CSMD1: variants seen among roughly 807,000 people sequenced by gnomAD.
CSMD1 encodes CUB and Sushi multiple domains 1, also known as CUB and sushi domain-containing protein 1.
In CSMD1, 213 loss-of-function variants were observed where a neutral mutation model predicts 417.5. The ratio of observed to expected loss-of-function variants is 0.51; its 90% confidence interval spans 0.46 to 0.57. CSMD1 has a LOEUF of 0.57. Among genes scored for constraint, CSMD1 ranks in the 20% least tolerant of loss-of-function variants. The pLI is 0.00. For missense variants in CSMD1, 6,923 were observed against 4,529.7 expected, an observed-to-expected ratio of 1.53 and a Z score of -15.17; for synonymous variants, 2,862 against 1,736.8, an observed-to-expected ratio of 1.65 and a Z score of -16.11.
intron 8 of CSMD1, among the ~76,000 whole-genome samples, chr8:3,606,770 G>C (rs557978348): frequency 6.6e-6 from 1 of 150,824 alleles, no homozygotes; most frequent in East Asian, 1.9e-4. Context: ...GGGTACAGTG[G>C]CGTGATCTCC....
At chr8:3,988,867 G>A (rs1814528908) in intron 5 of CSMD1, among the ~76,000 whole-genome samples, 3 of 151,956 alleles carry the variant, frequency 2.0e-5, no homozygotes. Context: ...TATTACTGTT[G>A]TTATTGTCAC....
chr8:4,573,986 G>C (rs145547673), intron 2 of CSMD1, among the ~76,000 whole-genome samples: 42 of 152,264 alleles, frequency 2.8e-4, no homozygotes, highest in African/African-American at 9.6e-4. Flanking sequence ...CCAAGCTCAA[G>C]TCTCCCAGCT....
intron 3 of CSMD1, among the ~76,000 whole-genome samples, chr8:4,319,654 A>G (rs1294441905): frequency 6.6e-6 from 1 of 152,112 alleles, no homozygotes; most frequent in African/African-American, 2.4e-5. Flanking sequence ...CACTGCCTGG[A>G]AAGAGAGGCC....
At chr8:3,167,948 A>G (rs1422438521) in intron 37 of CSMD1, among the ~76,000 whole-genome samples, 1 of 152,212 alleles carries the variant, frequency 6.6e-6, no homozygotes, top group African/African-American at 2.4e-5. Flanking sequence ...TACTTAAAAC[A>G]GGACAAATGG....
intron 5 of CSMD1, among the ~76,000 whole-genome samples, chr8:3,985,829 A>T (rs541240962): frequency 6.6e-6 from 1 of 151,330 alleles, no homozygotes; most frequent in African/African-American, 2.4e-5. Flanking sequence ...GCATTCTTCA[A>T]TGCTGAGACT....
chr8:3,666,701 A>T (rs1261138188), intron 7 of CSMD1, among the ~76,000 whole-genome samples: 2 of 152,062 alleles, frequency 1.3e-5, no homozygotes, highest in Non-Finnish European at 2.9e-5. Flanking sequence ...ATGCAATCTG[A>T]TGTCTTTATA....
At chr8:3,768,047 T>A (rs1798380452) in intron 5 of CSMD1, among the ~76,000 whole-genome samples, 1 of 152,194 alleles carries the variant, frequency 6.6e-6, no homozygotes, top group Non-Finnish European at 1.5e-5. Flanking sequence ...AATCAATCTT[T>A]GACCCCGAGT....
chr8:3,892,128 A>G (rs914797396), intron 5 of CSMD1, among the ~76,000 whole-genome samples: 6 of 103,460 alleles, frequency 5.8e-5, no homozygotes, highest in East Asian at 3.2e-4. Flanking sequence ...AAGCTCTAAG[A>G]TAATATCAGT....
intron 1 of CSMD1, among the ~76,000 whole-genome samples, chr8:4,937,384 T>C (rs1014561519): frequency 1.3e-5 from 2 of 152,202 alleles, no homozygotes; most frequent in African/African-American, 4.8e-5. Flanking sequence ...TAGTGTATTC[T>C]TTACTGGGAA....
intron 1 of CSMD1, among the ~76,000 whole-genome samples, chr8:4,959,335 G>A (rs1809326681): frequency 6.6e-6 from 1 of 152,170 alleles, no homozygotes. Context: ...TATTCAACAT[G>A]TACCTGGTGT....
intron 4 of CSMD1, among the ~76,000 whole-genome samples, chr8:4,006,812 G>C (rs1038100127): frequency 8.1e-5 from 12 of 147,278 alleles, no homozygotes; most frequent in Non-Finnish European, 1.6e-4. Flanking sequence ...AGAGAATCCA[G>C]GACTTTTCCT....
At chr8:4,862,557 G>A (rs116119151) in intron 1 of CSMD1, among the ~76,000 whole-genome samples, 2 of 152,018 alleles carry the variant, frequency 1.3e-5, no homozygotes, top group Non-Finnish European at 2.9e-5. Context: ...GAAGAGACTA[G>A]ATCGTGGATA....
At chr8:4,161,847 T>TA (rs1797190247) in intron 3 of CSMD1, among the ~76,000 whole-genome samples, 3 of 152,230 alleles carry the variant, frequency 2.0e-5, no homozygotes, top group African/African-American at 7.2e-5. Context: ...TGCATTTTTT[T>TA]CTTTGCCATA....
intron 7 of CSMD1, among the ~76,000 whole-genome samples, chr8:3,621,091 T>C (rs1050289431): frequency 6.6e-6 from 1 of 152,144 alleles, no homozygotes; most frequent in Non-Finnish European, 1.5e-5. Context: ...AAGAGAGTCA[T>C]CCACAAGACA....
chr8:4,107,011 A>T lies in CSMD1; in HGVS notation c.416-74912T>A, dbSNP rs75813360. ...GGGCCTTAGACAACACTAACAGGAG[A>T]GAAAATTGTATGAGAGCTGCCACAT... On this transcript the variant is annotated intron_variant, in intron 3 of 69. Transcript: ENST00000635120. Among the ~76,000 whole-genome samples the T allele has an allele frequency of 6.4e-3, 976 of 152,260 alleles. 13 individuals carry two copies. The highest frequency in any genetic ancestry group is 0.022 in the African/African-American group (931 of 41,552).
At chr8:3,860,983 A>T (rs1177093793) in intron 5 of CSMD1, among the ~76,000 whole-genome samples, 1 of 152,232 alleles carries the variant, frequency 6.6e-6, no homozygotes, top group Admixed American at 6.5e-5. Context: ...CAAATGAAAG[A>T]CAAAGCATGG....
chr8:4,343,095 G>A (rs915241641), intron 3 of CSMD1, among the ~76,000 whole-genome samples: 1 of 152,074 alleles, frequency 6.6e-6, no homozygotes, highest in Non-Finnish European at 1.5e-5. Flanking sequence ...CAGTGACCAA[G>A]GGATATGGGG....
chr8:3,938,030 A>T (rs184068501), intron 5 of CSMD1, among the ~76,000 whole-genome samples: 9 of 152,202 alleles, frequency 5.9e-5, no homozygotes, highest in African/African-American at 1.9e-4. Flanking sequence ...AACATAAAAT[A>T]AAAATGCTTT....
intron 2 of CSMD1, among the ~76,000 whole-genome samples, chr8:4,489,872 C>G (rs550422983): frequency 2.6e-5 from 4 of 152,250 alleles, no homozygotes; most frequent in South Asian, 4.2e-4. Context: ...CCAGCCATGC[C>G]TTGCCCAGAC....
Sources: gnomAD v4.1 joint callset for allele counts (sites outside exome capture counted in the v4.1 genomes callset) on GRCh38, gnomAD v4.1.1 for gene constraint, MANE v1.5 for transcripts, NCBI Gene and HGNC (gene_info 2026-07-23, HGNC 2026-07-21) for gene names.